The following RTF1 variants were observed in gnomAD, a reference collection of about 807,000 sequenced individuals.
The protein encoded by RTF1 is RTF1 homolog, Paf1/RNA polymerase II complex component.
A neutral mutation model predicts 95.7 loss-of-function variants in RTF1; 10 were observed. The observed-to-expected ratio is 0.10, with a 90% CI of 0.06 to 0.18. The LOEUF is 0.18. Among genes scored for constraint, RTF1 ranks in the 10% least tolerant of loss-of-function variants. RTF1 has a pLI of 1.00. For synonymous variants in RTF1, 305 were observed against 311.8 expected (o/e 0.98, Z 0.23); for missense variants, 458 against 875.6 (o/e 0.52, Z 6.02).
intron 1 of RTF1, among the ~76,000 whole-genome samples, chr15:41,436,066 G>A (rs1309105976): frequency 1.3e-5 from 2 of 151,966 alleles, no homozygotes; most frequent in Non-Finnish European, 2.9e-5. Context: ...CAGCACTTTG[G>A]GAGGCCAAGG....
rs540939091 is a variant in RTF1 at position 41,480,599 on chromosome 15, T to C, written c.2045T>C (p.Ile682Thr). 1 of 1,612,458 alleles carries C rather than the reference T, an allele frequency of 6.2e-7. No individual in the cohort carries two copies. The highest frequency in any genetic ancestry group is 1.3e-5 in the African/African-American group (1 of 74,964). ...VPSSESKALA[I>T]TSKAPPAKDG... is the part of the protein sequence containing the mutation. ...CCCACAGAGTCAAAGGCTTTAGCCATCACCTCCAAGGCTCCGCCAGCCAAG... is the reference window on the plus strand; with the variant it reads ...CCCACAGAGTCAAAGGCTTTAGCCACCACCTCCAAGGCTCCGCCAGCCAAG... Residue 682 changes from isoleucine to threonine, a missense_variant, in exon 18 of 18, where the codon ATC becomes ACC. Ile to Thr is a moderately conservative substitution (Grantham distance 89). Transcript: ENST00000389629.
At chr15:41,468,731 A>G (rs2050894649) in intron 6 of RTF1, among the ~76,000 whole-genome samples, 1 of 152,104 alleles carries the variant, frequency 6.6e-6, no homozygotes, top group African/African-American at 2.4e-5. Context: ...TGAAAGAATG[A>G]GATAGTTCCT....
chr15:41,417,109 A>AGCGC lies in RTF1; in HGVS notation c.-4_-1dup. 1 of 1,236,974 alleles carries AGCGC rather than the reference A, an allele frequency of 8.1e-7. No individual in the cohort carries two copies. Among genetic ancestry groups the AGCGC allele is most frequent in the South Asian group, 4.1e-5 (1 of 24,416 alleles). 76.6% of individuals were successfully genotyped at this position (1,236,974 alleles called of 1,614,324 possible). A position where few individuals can be genotyped will look rare whatever the true frequency, so the allele number is the denominator to read the frequency against. ...GGGCGGGGCCAGGGGGGCGGAGCGG[A>AGCGC]GCGCGCATGCGCGGTCGCCTTTGTG... On this transcript the variant is annotated 5_prime_UTR_variant, in exon 1 of 18. Transcript: ENST00000389629.
At chr15:41,435,810 A>G (rs1247837256) in intron 1 of RTF1, among the ~76,000 whole-genome samples, 1 of 152,192 alleles carries the variant, frequency 6.6e-6, no homozygotes, top group Admixed American at 6.5e-5. Flanking sequence ...ATTGTATAGC[A>G]CCATCATCGT....
At chr15:41,475,024 G>A (rs1030594516) in intron 9 of RTF1, among the ~76,000 whole-genome samples, 1 of 152,162 alleles carries the variant, frequency 6.6e-6, no homozygotes, top group Non-Finnish European at 1.5e-5. Context: ...CTGGCTCTAT[G>A]TCATAACCTC....
At chr15:41,453,564 A>G (rs571417777) in intron 3 of RTF1, among the ~76,000 whole-genome samples, 41 of 152,032 alleles carry the variant, frequency 2.7e-4, no homozygotes, top group Non-Finnish European at 5.3e-4. Context: ...CATCTCTACA[A>G]AAAAATTTAA....
intron 1 of RTF1, among the ~76,000 whole-genome samples, chr15:41,437,866 A>G (rs2050712803): frequency 6.6e-6 from 1 of 152,226 alleles, no homozygotes. Flanking sequence ...TTAAGTATTC[A>G]AAATATAAAA....
chr15:41,428,468 C>G (rs1049761055), intron 1 of RTF1, among the ~76,000 whole-genome samples: 7 of 150,718 alleles, frequency 4.6e-5, no homozygotes, highest in African/African-American at 1.7e-4. Flanking sequence ...CGGGGTTTCA[C>G]TGTGTTAGCC....
At chr15:41,478,405 A>C (rs2050953020) in intron 14 of RTF1, 143 bp from the exon 15 acceptor site, 3 of 714,010 alleles carry the variant, frequency 4.2e-6, no homozygotes, top group Non-Finnish European at 7.1e-6. Flanking sequence ...CATCTCAAAA[A>C]AAATTAAAAA....
intron 2 of RTF1, among the ~76,000 whole-genome samples, chr15:41,447,345 C>T (rs768167245): frequency 9.2e-5 from 14 of 152,130 alleles, no homozygotes; most frequent in East Asian, 3.8e-4. Flanking sequence ...AACCAGTCCC[C>T]GCCTTGTGTT....
At chr15:41,456,191 A>G (rs2050814686) in intron 3 of RTF1, among the ~76,000 whole-genome samples, 1 of 121,202 alleles carries the variant, frequency 8.3e-6, no homozygotes, top group Non-Finnish European at 1.8e-5. Flanking sequence ...ACTCCATCTC[A>G]AAAAAAAAAA....
intron 7 of RTF1, 52 bp downstream of exon 7, chr15:41,470,444 G>T (rs1287127973): frequency 6.3e-7 from 1 of 1,589,500 alleles, no homozygotes; most frequent in Admixed American, 1.7e-5. Context: ...GGTTTTTGAG[G>T]AAGAGCTTGG....
chr15:41,433,427 C>G (rs752819875), intron 1 of RTF1, among the ~76,000 whole-genome samples: 7 of 152,030 alleles, frequency 4.6e-5, no homozygotes, highest in Non-Finnish European at 8.8e-5. Context: ...CCCCACCTCC[C>G]AGACTCAAGT....
chr15:41,478,938 A>G, intron 15 of RTF1, 165 bp from the exon 16 acceptor site: 4 of 600,248 alleles, frequency 6.7e-6, no homozygotes, highest in Non-Finnish European at 1.2e-5. Flanking sequence ...CAAGCTTGTA[A>G]TTGCCTTTTT....
intron 4 of RTF1, among the ~76,000 whole-genome samples, chr15:41,458,779 A>G (rs1292385827): frequency 6.6e-6 from 1 of 151,546 alleles, no homozygotes; most frequent in Admixed American, 6.6e-5. Flanking sequence ...AAATAAATAA[A>G]AGGAATTACA....
intron 13 of RTF1, 45 bp downstream of exon 13, chr15:41,477,331 T>C (rs1040874032): frequency 6.2e-7 from 1 of 1,613,942 alleles, no homozygotes; most frequent in Non-Finnish European, 8.5e-7. Context: ...TTGGCCAAAA[T>C]TATCAGGCAA....
At chr15:41,436,390 G>A (rs1440909863) in intron 1 of RTF1, among the ~76,000 whole-genome samples, 1 of 150,602 alleles carries the variant, frequency 6.6e-6, no homozygotes, top group African/African-American at 2.4e-5. Context: ...CCGGGAGGCC[G>A]ATCTTGCAGT....
intron 4 of RTF1, among the ~76,000 whole-genome samples, chr15:41,463,051 G>A (rs894866690): frequency 1.7e-4 from 26 of 152,130 alleles, no homozygotes; most frequent in African/African-American, 5.8e-4. Context: ...CACCATGGCC[G>A]ACCTGGATAT....
At chr15:41,451,411 G>A (rs2050788967) in intron 2 of RTF1, among the ~76,000 whole-genome samples, 1 of 152,170 alleles carries the variant, frequency 6.6e-6, no homozygotes, top group Non-Finnish European at 1.5e-5. Context: ...TAAAGTGGTT[G>A]TATGGCCTTT....
Sources: allele counts gnomAD v4.1 joint callset (sites outside exome capture counted in the v4.1 genomes callset), GRCh38; gene constraint gnomAD v4.1.1; transcripts MANE v1.5; gene names NCBI Gene and HGNC (gene_info 2026-07-23, HGNC 2026-07-21).